RTN4: variants seen among roughly 807,000 people sequenced by gnomAD.
RTN4 encodes reticulon 4.
Under a neutral mutation model 90.4 loss-of-function variants are expected in RTN4, and 32 were observed. The ratio of observed to expected loss-of-function variants is 0.35; its 90% CI spans 0.27 to 0.48. The LOEUF (loss-of-function observed/expected upper bound fraction) is 0.48, where lower values mean the gene tolerates loss of function less well. Among genes scored for constraint, RTN4 ranks in the 20% least tolerant of loss-of-function variants. RTN4 has a pLI of 0.99. For missense variants in RTN4, 1,706 were observed against 1,430.2 expected (o/e 1.19, Z -3.11); for synonymous variants, 629 against 552.5 (o/e 1.14, Z -1.94).
chr2:55,114,916 C>T (rs142168378), upstream of RTN4, among the ~76,000 whole-genome samples: 75 of 152,146 alleles, frequency 4.9e-4, no homozygotes, highest in Middle Eastern at 6.8e-3. Context: ...AGATGCCTTA[C>T]GAGATAGAGG....
In RTN4 at chr2:55,026,274, G is replaced by T. The variant is rs991453414; in HGVS notation, c.1825C>A (p.Pro609Thr). Residue 609 changes from proline to threonine, a missense_variant, in exon 3 of 9, where the codon CCA (proline) becomes ACA (threonine). Coordinates refer to ENST00000337526, the MANE Select transcript of RTN4 (RefSeq NM_020532.5). ...TCCATAACAATGTCAGGCAAAACTGGTGAAGGAGTAGCTTCTGACTCTTCA... is the reference window on the plus strand; with the variant it reads ...TCCATAACAATGTCAGGCAAAACTGTTGAAGGAGTAGCTTCTGACTCTTCA... ...SFEESEATPS[P>T]VLPDIVMEAP... is the part of the protein sequence containing the mutation. 2 of 1,613,818 alleles carry T rather than the reference G, an allele frequency of 1.2e-6. No homozygotes were observed. The highest frequency in any genetic ancestry group is 2.7e-5 in the African/African-American group (2 of 74,916).
intron 4 of RTN4, among the ~76,000 whole-genome samples, chr2:54,986,246 C>T (rs772753132): frequency 1.2e-4 from 18 of 152,126 alleles, no homozygotes; most frequent in East Asian, 7.7e-4. Flanking sequence ...AAAAATTAAT[C>T]GGACATCATC....
At chr2:55,073,545 A>G (rs2105019675) in intron 2 of RTN4, among the ~76,000 whole-genome samples, 1 of 152,326 alleles carries the variant, frequency 6.6e-6, no homozygotes, top group Middle Eastern at 3.4e-3. Context: ...ATCTTTGGGA[A>G]GCAATTCTGG....
At chr2:55,120,191 C>G in the RTN4 span, among the ~76,000 whole-genome samples, 1 of 152,222 alleles carries the variant, frequency 6.6e-6, no homozygotes, top group Non-Finnish European at 1.5e-5. Flanking sequence ...AGAAAGCAAC[C>G]CTGTGTCACC....
intron 1 of RTN4, among the ~76,000 whole-genome samples, chr2:55,085,775 T>C (rs949819857): frequency 2.0e-5 from 3 of 152,240 alleles, no homozygotes; most frequent in South Asian, 2.1e-4. Context: ...ATAAACATTA[T>C]TGAAGGCCTG....
At chr2:55,059,649 C>G (rs530378013) in intron 2 of RTN4, among the ~76,000 whole-genome samples, 16 of 151,946 alleles carry the variant, frequency 1.1e-4, no homozygotes, top group Non-Finnish European at 2.1e-4. Context: ...GCCTGGCCAA[C>G]ATGGTGAAAC....
chr2:55,018,219 G>A (rs1353032702), intron 3 of RTN4, among the ~76,000 whole-genome samples: 1 of 152,194 alleles, frequency 6.6e-6, no homozygotes, highest in Non-Finnish European at 1.5e-5. Flanking sequence ...TTGTTGGTCA[G>A]AAGATGTTCC....
At position 54,989,990 on chromosome 2, in the gene RTN4, C is replaced by G. The variant is rs577523102; in HGVS notation, c.3014-2292G>C. 3.2e-4 allele frequency among the ~76,000 whole-genome samples: 48 copies of G among 152,124 alleles called. 1 individual carries two copies. In the South Asian group the frequency reaches 8.7e-3, roughly 28 times the overall value. On this transcript the variant is annotated intron_variant, in intron 3 of 8. Coordinates refer to ENST00000337526, the MANE Select transcript of RTN4 (RefSeq NM_020532.5). ...TCTTTCCTGTGAGGCTGCCTTTGTA[C>G]CCTACAACGGTGACTTAATACACAC...
At chr2:55,080,371 T>C (rs1668687828) in intron 2 of RTN4, 1 of 152,096 alleles carries the variant, frequency 6.6e-6, no homozygotes, top group Non-Finnish European at 1.5e-5. Flanking sequence ...AATGACTGAT[T>C]AGATTTCTAA....
intron 1 of RTN4, among the ~76,000 whole-genome samples, chr2:55,037,581 C>T (rs760780385): frequency 6.6e-6 from 1 of 152,202 alleles, no homozygotes; most frequent in Non-Finnish European, 1.5e-5. Flanking sequence ...ATTCTGGCTA[C>T]TGTCATTGCT....
chr2:55,008,242 A>C (rs972104372), intron 3 of RTN4, among the ~76,000 whole-genome samples: 5 of 151,750 alleles, frequency 3.3e-5, no homozygotes, highest in African/African-American at 1.2e-4. Context: ...ACTGGTGGTC[A>C]GGGGGAGAAT....
intron 3 of RTN4, among the ~76,000 whole-genome samples, chr2:54,988,526 A>AT (rs1160679269): frequency 1.3e-5 from 2 of 152,078 alleles, no homozygotes; most frequent in Non-Finnish European, 2.9e-5. Flanking sequence ...TTCTTATTTG[A>AT]TTTTTTTGTG....
intron 3 of RTN4, among the ~76,000 whole-genome samples, chr2:55,002,199 T>G (rs547816993): frequency 1.3e-5 from 2 of 151,798 alleles, no homozygotes; most frequent in African/African-American, 4.8e-5. Context: ...GCTGGGACCA[T>G]AGGCGTGCAC....
At chr2:55,105,927 C>A (rs527370968) in intron 1 of RTN4, among the ~76,000 whole-genome samples, 1 of 152,238 alleles carries the variant, frequency 6.6e-6, no homozygotes, top group South Asian at 2.1e-4. Context: ...CTACAGTGAG[C>A]TATTATCATG....
At chr2:55,023,493 T>C (rs1424018618) in intron 3 of RTN4, among the ~76,000 whole-genome samples, 1 of 152,102 alleles carries the variant, frequency 6.6e-6, no homozygotes, top group Non-Finnish European at 1.5e-5. Flanking sequence ...CAATACCCCA[T>C]ACTTTCCTTT....
At chr2:54,974,198 T>G (rs1677408746) in intron 6 of RTN4, 1 of 267,410 alleles carries the variant, frequency 3.7e-6, no homozygotes, top group East Asian at 9.0e-5. Flanking sequence ...TCACTGTTTG[T>G]TAGTAGGAGC....
In RTN4 at chr2:55,082,896, C is replaced by A. The variant is rs543264787; in HGVS notation, c.-213-2257G>T. 2.6e-5 allele frequency among the ~76,000 whole-genome samples: 4 copies of A among 152,238 alleles called. No individual in the cohort carries two copies. In the East Asian group the frequency reaches 7.7e-4, roughly 29 times the overall value. ...GTCACACAGCTAAGAAGTAGCATTTCTCTGAGACCGCGCCACTGCACTCCA... is the reference window on the plus strand; with the variant it reads ...GTCACACAGCTAAGAAGTAGCATTTATCTGAGACCGCGCCACTGCACTCCA... On this transcript the variant is annotated intron_variant, in intron 1 of 3. Coordinates refer to the RTN4 transcript ENST00000427710.
In RTN4 at chr2:55,026,044, T is replaced by G; in HGVS notation, c.2055A>C (p.Ala685=). 6.2e-7 allele frequency: 1 copy of G among 1,610,898 alleles called. No homozygotes were observed. Among genetic ancestry groups the G allele is most frequent in the Non-Finnish European group, 8.5e-7 (1 of 1,179,254 alleles). Residue 685 remains alanine, a synonymous_variant, in exon 3 of 9, where the codon GCA becomes GCC. Coordinates refer to ENST00000337526, the MANE Select transcript of RTN4 (RefSeq NM_020532.5). ...AAGGAGCTTCTGTTTCTTGAAGAGC[T>G]GCATTAATATTTTCAGGCTCTTTAA... ...EEIKEPENIN[A]ALQETEAPYI... is the part of the protein sequence containing the mutation.
intron 6 of RTN4, among the ~76,000 whole-genome samples, chr2:54,974,343 G>A (rs908369441): frequency 1.3e-5 from 2 of 152,198 alleles, no homozygotes; most frequent in Non-Finnish European, 2.9e-5. Context: ...GCAATGGCAC[G>A]ATCTCCGCTC....
Sources: gnomAD v4.1 joint callset for allele counts (sites outside exome capture counted in the v4.1 genomes callset) on GRCh38, gnomAD v4.1.1 for gene constraint, MANE v1.5 for transcripts, NCBI Gene and HGNC (gene_info 2026-07-23, HGNC 2026-07-21) for gene names.